The following SMARCA4 variants were observed in gnomAD, a reference collection of about 807,000 sequenced individuals.
SMARCA4 encodes SWI/SNF related BAF chromatin remodeling complex subunit ATPase 4.
In SMARCA4, 31 loss-of-function variants were observed where a neutral mutation model predicts 193.9. The ratio of observed to expected loss-of-function variants is 0.16; its 90% CI spans 0.12 to 0.22. SMARCA4 has a LOEUF of 0.22. SMARCA4 is among the 10% of genes least tolerant of loss of function. SMARCA4 has a pLI of 1.00. For synonymous variants in SMARCA4, 942 were observed against 933.1 expected (o/e 1.01, Z -0.17); for missense variants, 1,148 against 2,296.0 (o/e 0.50, Z 10.22).
chr19:11,018,405 GGGAACAGCCACGAGTTGCC>G, intron 16 of SMARCA4: 1 of 262,116 alleles, frequency 3.8e-6, no homozygotes, highest in Non-Finnish European at 7.6e-6. Flanking sequence ...CATCCCACAG[GGGAACAGCCACGAGTTGCC>G]GCTCCCTCCC....
In SMARCA4 at chr19:11,023,598, C is replaced by G. The variant is rs2146454794; in HGVS notation, c.2940C>G (p.Leu980=). Residue 980 remains leucine, a synonymous_variant, in exon 20 of 35, where the codon CTC becomes CTG. Transcript: ENST00000344626. Reference sequence around the variant, plus strand: ...TGCGGCCCTTCTTGCTCCGACGACTCAAGAAGGAAGTCGAGGCCCAGTTGC... The same window carrying G: ...TGCGGCCCTTCTTGCTCCGACGACTGAAGAAGGAAGTCGAGGCCCAGTTGC... ...KVLRPFLLRR[L]KKEVEAQLPE... 1 of 1,612,416 alleles carries G rather than the reference C, an allele frequency of 6.2e-7. No homozygotes were observed. The highest frequency in any genetic ancestry group is 8.5e-7 in the Non-Finnish European group (1 of 1,179,182).
chr19:11,018,909 C>A (rs2146357196), intron 16 of SMARCA4, 48 bp from the exon 17 acceptor site: 1 of 1,485,060 alleles, frequency 6.7e-7, no homozygotes, highest in South Asian at 1.1e-5. Context: ...GCACAGTGAG[C>A]CATTGATGAG....
intron 32 of SMARCA4, chr19:11,059,100 C>T: frequency 1.9e-6 from 1 of 540,104 alleles, no homozygotes; most frequent in South Asian, 2.5e-5. Context: ...CATAACAAGA[C>T]CCTGTCTTTA....
chr19:10,983,831 C>T (rs1169133108), intron 1 of SMARCA4: 2 of 500,452 alleles, frequency 4.0e-6, no homozygotes, highest in East Asian at 3.6e-5. Flanking sequence ...CCTGAGACAC[C>T]CTCTGCCGTG....
chr19:10,982,788 G>A (rs2085667463), intron 1 of SMARCA4, among the ~76,000 whole-genome samples: 3 of 152,148 alleles, frequency 2.0e-5, no homozygotes, highest in South Asian at 2.1e-4. Flanking sequence ...ACAGGCGTGA[G>A]CCACCGCGCC....
chr19:11,057,094 T>C (rs1600618227), intron 30 of SMARCA4, among the ~76,000 whole-genome samples: 1 of 152,238 alleles, frequency 6.6e-6, no homozygotes, highest in Non-Finnish European at 1.5e-5. Flanking sequence ...TCAGGCCCCG[T>C]TGGCCACTTT....
intron 30 of SMARCA4, among the ~76,000 whole-genome samples, chr19:11,048,573 G>A (rs139731358): frequency 2.0e-5 from 3 of 152,326 alleles, no homozygotes; most frequent in African/African-American, 4.8e-5. Flanking sequence ...AGCCTGCCTC[G>A]CCGAGCTGGA....
chr19:11,051,059 A>C (rs537327980), intron 30 of SMARCA4, among the ~76,000 whole-genome samples: 1 of 152,240 alleles, frequency 6.6e-6, no homozygotes, highest in Non-Finnish European at 1.5e-5. Flanking sequence ...AGGGGGCCTA[A>C]AAGTCATGGA....
intron 29 of SMARCA4, among the ~76,000 whole-genome samples, chr19:11,036,053 G>A (rs192420385): frequency 1.3e-5 from 2 of 152,340 alleles, no homozygotes; most frequent in Non-Finnish European, 1.5e-5. Flanking sequence ...GTTCCCTCCT[G>A]GGACCTCAGC....
In SMARCA4 at chr19:11,058,258, C is replaced by T. The variant is rs2076659206; in HGVS notation, c.4428C>T (p.Ser1476=). ...VDAVIKYKDS[S]SGRQLSEVFI... The stretch of plus-strand genomic sequence containing the variant: ...AGCCGCCGGTTCTGCCTTGCAGCAG[C>T]AGTGGACGTCAGCTCAGCGAGGTCT... The change falls in exon 31 of 35, where the codon AGC becomes AGT. Residue 1476 remains serine (S), a synonymous_variant. Transcript: ENST00000344626. This position sits in a 1 kb window ranked among gnomAD's most constrained non-coding sequence, Gnocchi z 5.8. 1 of 1,610,670 alleles carries T rather than the reference C, an allele frequency of 6.2e-7. No individual in the cohort carries two copies. The highest frequency in any genetic ancestry group is 1.7e-5 in the Admixed American group (1 of 59,996).
In SMARCA4 at chr19:10,996,311, C is replaced by T. The variant is rs1431664778; in HGVS notation, c.1692C>T (p.Leu564=). The change falls in exon 10 of 35, where the codon CTC becomes CTT. Residue 564 remains leucine (L), a synonymous_variant. Coordinates refer to ENST00000344626, the MANE Select transcript of SMARCA4 (RefSeq NM_003072.5). ...AGACAGACGAGTACGTGGCTAACCT[C>T]ACGGAGCTGGTGCGGCAGCACAAGG... The part of the protein sequence containing the change: ...LQQTDEYVAN[L]TELVRQHKAA... 1 of 1,614,202 alleles carries T rather than the reference C, an allele frequency of 6.2e-7. No homozygotes were observed. Among genetic ancestry groups the T allele is most frequent in the South Asian group, 1.1e-5 (1 of 91,084 alleles).
chr19:11,058,139 C>T lies in SMARCA4; in HGVS notation c.4425-116C>T. The T allele has an allele frequency of 4.1e-6, 3 of 726,466 alleles. No individual in the cohort carries two copies. Among genetic ancestry groups the T allele is most frequent in the Non-Finnish European group, 7.4e-6 (3 of 406,714 alleles). 45.0% of individuals were successfully genotyped at this position (726,466 alleles called of 1,614,324 possible). A position where few individuals can be genotyped will look rare whatever the true frequency, so the allele number is the denominator to read the frequency against. ...AAAAAAGCGCATGTGCAAGAAATAG[C>T]TCCTGAGCTGAGTTGGAATTTCTCA... is the stretch of plus-strand genomic sequence containing the variant. On this transcript the variant is annotated intron_variant, in intron 30 of 34. Coordinates refer to ENST00000344626, the MANE Select transcript of SMARCA4 (RefSeq NM_003072.5). This position sits in a 1 kb window ranked among gnomAD's most constrained non-coding sequence, Gnocchi z 5.8.
At position 11,008,518 on chromosome 19, in the gene SMARCA4, G is replaced by A. The variant is rs573077871; in HGVS notation, c.2123+495G>A. On this transcript the variant is annotated intron_variant, in intron 14 of 34. Coordinates refer to ENST00000344626, the MANE Select transcript of SMARCA4 (RefSeq NM_003072.5). ...GAGTGCTTCCAGTCTGGTCCTCAGCGTGCAGTGTCATACTGCGTCACGTTA... is the reference window on the plus strand; with the variant it reads ...GAGTGCTTCCAGTCTGGTCCTCAGCATGCAGTGTCATACTGCGTCACGTTA... Among the ~76,000 whole-genome samples, 28 of 152,276 alleles carry A rather than the reference G, an allele frequency of 1.8e-4. No homozygotes were observed. In the South Asian group the frequency reaches 4.4e-3, roughly 24 times the overall value.
At chr19:11,007,807 A>C in intron 13 of SMARCA4, 95 bp from the exon 14 acceptor site, 1 of 1,320,250 alleles carries the variant, frequency 7.6e-7, no homozygotes, top group Admixed American at 1.7e-5. Flanking sequence ...GGGCTGTAAG[A>C]AGATCACTTG....
At chr19:11,014,989 A>C (rs2089221328) in intron 16 of SMARCA4, among the ~76,000 whole-genome samples, 1 of 151,780 alleles carries the variant, frequency 6.6e-6, no homozygotes, top group Non-Finnish European at 1.5e-5. Flanking sequence ...ACTTTTTTGC[A>C]TTTTTAGTAG....
chr19:10,989,012 A>C (rs184459923), intron 6 of SMARCA4, among the ~76,000 whole-genome samples: 2 of 152,220 alleles, frequency 1.3e-5, no homozygotes, highest in East Asian at 1.9e-4. Flanking sequence ...CGCCTCATCC[A>C]TGCCAGAGCT....
At chr19:11,037,711 A>G (rs1486070655) in intron 29 of SMARCA4, among the ~76,000 whole-genome samples, 1 of 152,152 alleles carries the variant, frequency 6.6e-6, no homozygotes, top group African/African-American at 2.4e-5. Flanking sequence ...ATCCAAGGTC[A>G]CGAAGACTTG....
chr19:11,024,719 C>T (rs1032906590), intron 21 of SMARCA4, among the ~76,000 whole-genome samples: 1 of 152,162 alleles, frequency 6.6e-6, no homozygotes, highest in Non-Finnish European at 1.5e-5. Flanking sequence ...AGAATGCCCC[C>T]CTTCTCTGTT....
chr19:11,060,419 C>A, intron 34 of SMARCA4: 1 of 606,772 alleles, frequency 1.6e-6, no homozygotes, highest in Non-Finnish European at 2.9e-6. Flanking sequence ...CCGTGGGTGT[C>A]TGGGGACTGG....
Sources: allele counts gnomAD v4.1 joint callset (sites outside exome capture counted in the v4.1 genomes callset), GRCh38; gene constraint gnomAD v4.1.1; non-coding constraint Gnocchi (gnomAD v3.1); transcripts MANE v1.5; gene names NCBI Gene and HGNC (gene_info 2026-07-23, HGNC 2026-07-21).